Variants in DTNA observed in about 807,000 individuals in gnomAD.
DTNA encodes the protein dystrobrevin alpha.
In DTNA, 43 loss-of-function variants were observed where a neutral mutation model predicts 100.7. The observed-to-expected ratio is 0.43, with a 90% CI of 0.33 to 0.55. The LOEUF (loss-of-function observed/expected upper bound fraction) is 0.55. Among genes scored for constraint, DTNA ranks in the 20% least tolerant of loss-of-function variants. The pLI is 0.04. For missense variants in DTNA, 798 were observed against 953.9 expected, an observed-to-expected ratio of 0.84 and a Z score of 2.15; for synonymous variants, 349 against 347.9, an observed-to-expected ratio of 1.00 and a Z score of -0.04.
chr18:34,684,807 C>T (rs578020871), intron 1 of DTNA, among the ~76,000 whole-genome samples: 41 of 152,294 alleles, frequency 2.7e-4, no homozygotes, highest in African/African-American at 8.9e-4. Flanking sequence ...TCTCCAGCAT[C>T]GGTTGTTTCC....
intron 1 of DTNA, among the ~76,000 whole-genome samples, chr18:34,615,835 G>A (rs1599091229): frequency 2.6e-5 from 4 of 152,162 alleles, no homozygotes; most frequent in Admixed American, 2.6e-4. Context: ...GTGAGAACAT[G>A]AAATGTTTGG....
chr18:34,520,206 C>T (rs2042026166), intron 1 of DTNA, among the ~76,000 whole-genome samples: 2 of 152,164 alleles, frequency 1.3e-5, no homozygotes, highest in African/African-American at 2.4e-5. Context: ...TGTTGACAAA[C>T]ATTTCCCATT....
At chr18:34,870,056 T>C (rs2096749921) in intron 17 of DTNA, among the ~76,000 whole-genome samples, 1 of 152,264 alleles carries the variant, frequency 6.6e-6, no homozygotes, top group Non-Finnish European at 1.5e-5. Context: ...AAGCTTATGC[T>C]AATTTGCAGG....
intron 11 of DTNA, among the ~76,000 whole-genome samples, chr18:34,833,118 A>C (rs1157697489): frequency 6.6e-6 from 1 of 152,180 alleles, no homozygotes; most frequent in Non-Finnish European, 1.5e-5. Context: ...TCTCTGTGAG[A>C]CTGCAGCCAG....
At chr18:34,651,970 G>T (rs915830894) in intron 1 of DTNA, among the ~76,000 whole-genome samples, 5 of 152,038 alleles carry the variant, frequency 3.3e-5, no homozygotes, top group African/African-American at 1.2e-4. Context: ...GGAGGCTGAG[G>T]TGACAGGATC....
intron 1 of DTNA, among the ~76,000 whole-genome samples, chr18:34,700,088 A>G: frequency 6.6e-6 from 1 of 152,208 alleles, no homozygotes; most frequent in Admixed American, 6.5e-5. Flanking sequence ...TATAGATCAC[A>G]GAGAAAAGAG....
intron 4 of DTNA, among the ~76,000 whole-genome samples, chr18:34,801,244 G>T (rs1255598444): frequency 6.6e-6 from 1 of 152,082 alleles, no homozygotes; most frequent in Non-Finnish European, 1.5e-5. Flanking sequence ...TATTAGCCTG[G>T]TTCTCTTAAA....
intron 9 of DTNA, among the ~76,000 whole-genome samples, chr18:34,824,638 G>T (rs1453173652): frequency 6.6e-6 from 1 of 151,990 alleles, no homozygotes; most frequent in Non-Finnish European, 1.5e-5. Flanking sequence ...AGCATTATAA[G>T]ATACAAATAA....
At chr18:34,869,773 G>A (rs1370850418) in intron 17 of DTNA, among the ~76,000 whole-genome samples, 2 of 152,224 alleles carry the variant, frequency 1.3e-5, no homozygotes, top group East Asian at 1.9e-4. Flanking sequence ...TGTAATCCCA[G>A]CACTTTGGGA....
At chr18:34,838,015 G>A in intron 11 of DTNA, 79 bp from the exon 12 acceptor site, 1 of 1,227,874 alleles carries the variant, frequency 8.1e-7, no homozygotes, top group Non-Finnish European at 1.2e-6. Context: ...CTAGACTTGG[G>A]AGTGTCTGTT....
intron 1 of DTNA, among the ~76,000 whole-genome samples, chr18:34,626,791 G>A (rs2057379476): frequency 6.6e-6 from 1 of 152,226 alleles, no homozygotes; most frequent in South Asian, 2.1e-4. Context: ...TGCAGCCTGG[G>A]GCTGTCACAT....
At chr18:34,809,807 A>G (rs1421387921) in intron 5 of DTNA, among the ~76,000 whole-genome samples, 1 of 152,214 alleles carries the variant, frequency 6.6e-6, no homozygotes, top group African/African-American at 2.4e-5. Flanking sequence ...ACGCTTTAAA[A>G]TGCATTAGAA....
chr18:34,796,406 G>A (rs2094970901), intron 4 of DTNA, among the ~76,000 whole-genome samples: 1 of 152,174 alleles, frequency 6.6e-6, no homozygotes, highest in African/African-American at 2.4e-5. Context: ...TTATCCAAAT[G>A]AGACCCAGCG....
intron 11 of DTNA, among the ~76,000 whole-genome samples, chr18:34,834,396 A>G (rs2096086933): frequency 6.6e-6 from 1 of 151,902 alleles, no homozygotes. Flanking sequence ...CCAGCTACTC[A>G]GGAGGCTGAG....
chr18:34,815,563 T>G (rs2095578356), intron 6 of DTNA: 1 of 277,696 alleles, frequency 3.6e-6, no homozygotes, highest in African/African-American at 2.2e-5. Flanking sequence ...TGATGCGTTC[T>G]TGAGTAAAAT....
intron 1 of DTNA, among the ~76,000 whole-genome samples, chr18:34,542,092 G>A (rs949922407): frequency 7.2e-5 from 11 of 152,028 alleles, no homozygotes; most frequent in African/African-American, 1.7e-4. Flanking sequence ...CAGTGCCCTC[G>A]TTGGGCTGGG....
intron 1 of DTNA, among the ~76,000 whole-genome samples, chr18:34,685,014 G>A (rs1321177758): frequency 6.6e-6 from 1 of 152,118 alleles, no homozygotes; most frequent in Non-Finnish European, 1.5e-5. Context: ...TTGTAAATTT[G>A]TTTAAGTTCC....
chr18:34,670,380 G>A (rs1416100634), intron 1 of DTNA, among the ~76,000 whole-genome samples: 2 of 152,118 alleles, frequency 1.3e-5, no homozygotes, highest in East Asian at 3.9e-4. Flanking sequence ...TCCTCCTTTA[G>A]CTCGGAGAAG....
At chr18:34,638,182 CT>C (rs2058859880) in intron 1 of DTNA, among the ~76,000 whole-genome samples, 1 of 152,212 alleles carries the variant, frequency 6.6e-6, no homozygotes, top group African/African-American at 2.4e-5. Flanking sequence ...CTTTTCTATG[CT>C]TCTGATGAAC....
Sources: allele counts gnomAD v4.1 joint callset (sites outside exome capture counted in the v4.1 genomes callset), GRCh38; gene constraint gnomAD v4.1.1; transcripts MANE v1.5; gene names NCBI Gene and HGNC (gene_info 2026-07-23, HGNC 2026-07-21).